The following CD6 variants were observed in gnomAD, a reference collection of about 807,000 sequenced individuals.
The protein encoded by CD6 is CD6 molecule, also known as T-cell differentiation antigen CD6.
In CD6, 53 loss-of-function variants were observed where a neutral mutation model predicts 75.3. That is an observed-to-expected ratio of 0.70 (90% CI 0.56 to 0.88). CD6 has a LOEUF of 0.88. CD6 is among the 40% of genes least tolerant of loss of function. CD6 has a pLI of 0.00. For missense variants in CD6, 770 were observed against 897.1 expected (o/e 0.86, Z 1.81); for synonymous variants, 359 against 381.5 (o/e 0.94, Z 0.69).
At chr11:61,009,975 G>T in intron 5 of CD6, 101 bp downstream of exon 5, 1 of 1,180,774 alleles carries the variant, frequency 8.5e-7, no homozygotes, top group Non-Finnish European at 1.2e-6. Context: ...GCACCAGATC[G>T]GCAATGGCAC....
chr11:60,975,859 G>A (rs1371993012), intron 1 of CD6, among the ~76,000 whole-genome samples: 4 of 152,142 alleles, frequency 2.6e-5, no homozygotes, highest in Non-Finnish European at 5.9e-5. Flanking sequence ...TGCGTAACTT[G>A]CATCATATTT....
At chr11:60,972,614 G>C (rs1389736076) in intron 1 of CD6, among the ~76,000 whole-genome samples, 10 of 152,226 alleles carry the variant, frequency 6.6e-5, no homozygotes, top group Admixed American at 6.5e-4. Flanking sequence ...GCTGGCCAGA[G>C]CGGGGCAGGG....
rs1857576819 is a variant in CD6 at position 60,982,002 on chromosome 11, C to G, written c.49+10088C>G. Among the ~76,000 whole-genome samples, 4 of 145,182 alleles carry G rather than the reference C, an allele frequency of 2.8e-5. No homozygotes were observed. The South Asian group carries it at 9.3e-4, about 34-fold the overall frequency. ...CGGCCAATAAGTGTCCAGGCCACCC[C>G]CAATCTCCATCAGGACCCTGAGCTG... is the stretch of plus-strand genomic sequence containing the variant. On this transcript the variant is annotated intron_variant, in intron 1 of 12. Coordinates refer to ENST00000313421, the MANE Select transcript of CD6 (RefSeq NM_006725.5).
chr11:61,011,229 G>A (rs980241559), intron 6 of CD6, 94 bp downstream of exon 6: 4 of 945,204 alleles, frequency 4.2e-6, no homozygotes, highest in Admixed American at 5.1e-5. Flanking sequence ...GTGTTGGGGT[G>A]GAGGATGGTT....
At chr11:60,996,022 T>C (rs930869174) in intron 1 of CD6, among the ~76,000 whole-genome samples, 2 of 152,186 alleles carry the variant, frequency 1.3e-5, no homozygotes, top group Non-Finnish European at 2.9e-5. Flanking sequence ...AATCAGGATG[T>C]TGGATTCCAA....
rs751990922 is a variant in CD6 at position 61,017,884 on chromosome 11, G to C, written c.1708G>C (p.Glu570Gln). 13 of 1,613,976 alleles carry C rather than the reference G, an allele frequency of 8.1e-6. No individual in the cohort carries two copies. Among genetic ancestry groups the C allele is most frequent in the Middle Eastern group, 1.6e-4 (1 of 6,084 alleles). Residue 570 changes from glutamate (E) to glutamine (Q), a missense_variant, in exon 11 of 13, where the codon GAG becomes CAG. Glu to Gln is a conservative substitution (Grantham distance 29, BLOSUM62 2). Transcript: ENST00000313421. ...CAGTGAGTCGAGCACCTCTTCAGGG[G>C]AGGATTACTGCAATAGTCCCAAAAG... The part of the protein sequence containing the change: ...SNSESSTSSG[E>Q]DYCNSPKSKL...
intron 6 of CD6, among the ~76,000 whole-genome samples, 188 bp from the exon 7 acceptor site, chr11:61,013,235 T>G (rs891354227): frequency 6.6e-6 from 1 of 152,228 alleles, no homozygotes; most frequent in African/African-American, 2.4e-5. Context: ...GCTCATGCAT[T>G]CAATATGCAT....
intron 1 of CD6, among the ~76,000 whole-genome samples, chr11:60,995,137 C>T (rs75963364): frequency 1.8e-4 from 26 of 147,512 alleles, no homozygotes; most frequent in South Asian, 4.3e-4. Context: ...TTTTTTTTTT[C>T]TTTTTCTTTC....
chr11:61,000,857 AC>A (rs1282990769), intron 1 of CD6, among the ~76,000 whole-genome samples: 14 of 151,594 alleles, frequency 9.2e-5, no homozygotes, highest in Admixed American at 2.0e-4. Context: ...TCTTCCCACT[AC>A]CCCATTGGAG....
At chr11:60,994,734 C>A (rs1858222174) in intron 1 of CD6, among the ~76,000 whole-genome samples, 2 of 152,150 alleles carry the variant, frequency 1.3e-5, no homozygotes, top group African/African-American at 4.8e-5. Flanking sequence ...AGTTTATTAC[C>A]GATCTATGTT....
At chr11:61,000,969 T>G (rs1858559350) in intron 1 of CD6, among the ~76,000 whole-genome samples, 2 of 152,100 alleles carry the variant, frequency 1.3e-5, no homozygotes, top group Admixed American at 1.3e-4. Flanking sequence ...TCTCCTATTC[T>G]GAAACCAGCC....
intron 3 of CD6, among the ~76,000 whole-genome samples, chr11:61,008,128 C>T (rs952786621): frequency 2.0e-5 from 3 of 152,170 alleles, no homozygotes; most frequent in African/African-American, 7.2e-5. Context: ...ACTCCACCCC[C>T]ACACTTGGTT....
chr11:60,983,128 C>G (rs1188874246), intron 1 of CD6, among the ~76,000 whole-genome samples: 5 of 151,116 alleles, frequency 3.3e-5, no homozygotes, highest in African/African-American at 1.2e-4. Context: ...CGGAGTCTCA[C>G]TCTTGTTGCC....
In CD6 at chr11:61,018,370, C is replaced by G; in HGVS notation, c.1919C>G (p.Ser640Trp). Residue 640 changes from serine to tryptophan, a missense_variant, in exon 12 of 13, where the codon TCG (serine) becomes TGG (tryptophan). Physicochemically the swap from Ser to Trp is radical, Grantham distance 177 (BLOSUM62 -3). Coordinates refer to ENST00000313421, the MANE Select transcript of CD6 (RefSeq NM_006725.5). Reference sequence around the variant, plus strand: ...TTCCAGCCACCACCCCAGCCCCCTTCGGAGGAGCAGTTTGGCTGTCCAGGT... The same window carrying G: ...TTCCAGCCACCACCCCAGCCCCCTTGGGAGGAGCAGTTTGGCTGTCCAGGT... The part of the protein sequence containing the change: ...QNFQPPPQPP[S>W]EEQFGCPGSP... 6.3e-7 allele frequency: 1 copy of G among 1,599,960 alleles called. No individual in the cohort carries two copies. Among genetic ancestry groups the G allele is most frequent in the Non-Finnish European group, 8.5e-7 (1 of 1,173,454 alleles).
intron 1 of CD6, among the ~76,000 whole-genome samples, chr11:60,996,845 A>C (rs1858323575): frequency 6.6e-6 from 1 of 152,146 alleles, no homozygotes; most frequent in African/African-American, 2.4e-5. Flanking sequence ...ATTTTGCAAT[A>C]TTTCTGACAA....
intron 1 of CD6, among the ~76,000 whole-genome samples, chr11:60,972,459 A>C (rs1263472392): frequency 5.3e-5 from 8 of 152,190 alleles, no homozygotes. Flanking sequence ...ATAAGCGAGC[A>C]TGAAGGCCAC....
rs548048864 is a variant in CD6 at position 61,001,265 on chromosome 11, G to A, written c.50-5309G>A. ...GCCCAGGCTAGAGCGTAGTAGTGGCGTGATCTCAGCTCACTGCAACCTCTG... is the reference window on the plus strand; with the variant it reads ...GCCCAGGCTAGAGCGTAGTAGTGGCATGATCTCAGCTCACTGCAACCTCTG... On this transcript the variant is annotated intron_variant, in intron 1 of 12. Transcript: ENST00000313421. Among the ~76,000 whole-genome samples, 26 of 141,382 alleles carry A rather than the reference G, an allele frequency of 1.8e-4. 1 individual carries two copies. In the South Asian group the frequency reaches 5.1e-3, roughly 28 times the overall value. 92.8% of individuals were successfully genotyped at this position (141,382 alleles called of 152,430 possible). A position where few individuals can be genotyped will look rare whatever the true frequency, so the allele number is the denominator to read the frequency against.
chr11:61,013,517 C>T lies in CD6; in HGVS notation c.1245C>T (p.Ser415=), dbSNP rs764324969. The T allele has an allele frequency of 7.4e-6, 12 of 1,614,026 alleles. No homozygotes were observed. Among genetic ancestry groups the T allele is most frequent in the Non-Finnish European group, 1.0e-5 (12 of 1,179,998 alleles). ...SIVLGILLLG[S]LIFIAFILLR... ...TTCTGGGAATTCTCCTCCTTGGCTC[C>T]CTCATCTTCATAGCCTTCATCCTCT... The change falls in exon 7 of 13, where the codon TCC becomes TCT. Residue 415 remains serine, a synonymous_variant. Coordinates refer to ENST00000313421, the MANE Select transcript of CD6 (RefSeq NM_006725.5).
At chr11:60,988,298 C>A (rs962599178) in intron 1 of CD6, among the ~76,000 whole-genome samples, 7 of 152,176 alleles carry the variant, frequency 4.6e-5, no homozygotes, top group Non-Finnish European at 7.3e-5. Flanking sequence ...CCAAGGAACC[C>A]ATATTTTTTT....
Sources: allele counts gnomAD v4.1 joint callset (sites outside exome capture counted in the v4.1 genomes callset), GRCh38; gene constraint gnomAD v4.1.1; transcripts MANE v1.5; gene names NCBI Gene and HGNC (gene_info 2026-07-23, HGNC 2026-07-21).